The following GLCCI1 variants were observed in gnomAD, a reference collection of about 807,000 sequenced individuals.
GLCCI1 encodes the protein glucocorticoid induced 1.
In GLCCI1, 24 loss-of-function variants were observed where a neutral mutation model predicts 52.2. That is an observed-to-expected ratio of 0.46 (90% CI 0.33 to 0.65). The LOEUF (loss-of-function observed/expected upper bound fraction) is 0.65. GLCCI1 is among the 30% of genes least tolerant of loss of function. The pLI is 0.02. For synonymous variants in GLCCI1, 310 were observed against 276.5 expected (o/e 1.12, Z -1.20); for missense variants, 704 against 701.5 (o/e 1.00, Z -0.04).
intron 6 of GLCCI1, among the ~76,000 whole-genome samples, chr7:8,076,748 C>G (rs1384198112): frequency 2.0e-5 from 3 of 152,120 alleles, no homozygotes; most frequent in African/African-American, 7.2e-5. Context: ...ATGTTAGCTC[C>G]AACAAGAGTA....
At position 7,969,689 on chromosome 7, in the gene GLCCI1, G is replaced by A. The variant is rs1218436029; in HGVS notation, c.339G>A (p.Ala113=). The change falls in exon 1 of 8, where the codon GCG becomes GCA. Residue 113 remains alanine, a synonymous_variant. Transcript: ENST00000223145. This position sits in a 1 kb window ranked among gnomAD's most constrained non-coding sequence, Gnocchi z 4.9. ...GCCCGTCCAGCCCGACGCCGCCGGC[G>A]GCCGCAGCCCCGGCCGAGCAGGCGC... The part of the protein sequence containing the change: ...GPSPSSPTPP[A]AAAPAEQAPR... The A allele has an allele frequency of 4.3e-6, 5 of 1,161,860 alleles. No homozygotes were observed. In the East Asian group the frequency reaches 2.8e-4, roughly 65 times the overall value. The allele number at this position is 1,161,860 out of a possible 1,614,324, so 72.0% of individuals were successfully genotyped here.
Position 8,087,871 on chromosome 7 carries a change from C to G in GLCCI1, c.*1333C>G, listed in dbSNP as rs910127428. On this transcript the variant is annotated 3_prime_UTR_variant, in exon 8 of 8. Transcript: ENST00000223145. ...ACTCAAGAAAATAGCCTTGAACTTG[C>G]AGACTTTTGACACAAGTTCTCCACA... 6.6e-6 allele frequency: 1 copy of G among 152,588 alleles called. No individual in the cohort carries two copies. Among genetic ancestry groups the G allele is most frequent in the Admixed American group, 6.5e-5 (1 of 15,272 alleles). 9.5% of individuals were successfully genotyped at this position (152,588 alleles called of 1,614,324 possible). A position where few individuals can be genotyped will look rare whatever the true frequency, so the allele number is the denominator to read the frequency against.
chr7:8,049,150 A>C (rs1187929932), intron 3 of GLCCI1, among the ~76,000 whole-genome samples: 1 of 152,164 alleles, frequency 6.6e-6, no homozygotes, highest in African/African-American at 2.4e-5. Flanking sequence ...GAACCATCTG[A>C]AGGAGTAAAA....
At chr7:7,974,643 A>G (rs908987746) in intron 1 of GLCCI1, among the ~76,000 whole-genome samples, 2 of 152,250 alleles carry the variant, frequency 1.3e-5, no homozygotes, top group Non-Finnish European at 2.9e-5. Context: ...ACAGTGTTCA[A>G]CAAATGGCTA....
At chr7:8,055,406 C>G (rs759743617) in intron 3 of GLCCI1, 27 bp from the exon 4 acceptor site, 1 of 1,430,128 alleles carries the variant, frequency 7.0e-7, no homozygotes, top group Non-Finnish European at 9.8e-7. Flanking sequence ...TTATTCTCTT[C>G]TTACTTCTCT....
intron 3 of GLCCI1, among the ~76,000 whole-genome samples, chr7:8,023,610 T>TTTTTTTTTTTTTTTG (rs1781546602): frequency 8.0e-6 from 1 of 125,236 alleles, no homozygotes; most frequent in Non-Finnish European, 1.7e-5. Context: ...TTTTTTTTTT[T>TTTTTTTTTTTTTTTG]TTTTTTGAGG....
intron 6 of GLCCI1, among the ~76,000 whole-genome samples, chr7:8,077,732 C>G (rs537290236): frequency 6.6e-6 from 1 of 152,254 alleles, no homozygotes; most frequent in East Asian, 1.9e-4. Flanking sequence ...AATTAAGTAA[C>G]CTAGCTAATT....
At chr7:8,055,676 G>C (rs1782373554) in intron 4 of GLCCI1, 127 bp downstream of exon 4, 1 of 675,450 alleles carries the variant, frequency 1.5e-6, no homozygotes, top group Non-Finnish European at 2.5e-6. Context: ...TTGTTAAATT[G>C]TTATAAAAAG....
rs185976053 is a variant in GLCCI1, at chr7:8,067,263, A to G, written c.967-3658A>G. On this transcript the variant is annotated intron_variant, in intron 5 of 7. Coordinates refer to ENST00000223145, the MANE Select transcript of GLCCI1 (RefSeq NM_138426.4). ...TTCTCCATCCCTTTATTTTGACCGC[A>G]TGGGTGTCTTTGCATGTGAGCCTGG... Among the ~76,000 whole-genome samples the G allele has an allele frequency of 2.6e-5, 4 of 152,172 alleles. No individual in the cohort carries two copies. The East Asian group carries it at 5.8e-4, about 22-fold the overall frequency.
At chr7:8,064,958 T>C (rs1782599503) in intron 5 of GLCCI1, among the ~76,000 whole-genome samples, 1 of 152,178 alleles carries the variant, frequency 6.6e-6, no homozygotes. Context: ...CCGCGTGATC[T>C]GCCCACCTCG....
chr7:8,074,617 G>A (rs1213146941), intron 6 of GLCCI1, among the ~76,000 whole-genome samples: 1 of 152,018 alleles, frequency 6.6e-6, no homozygotes, highest in Non-Finnish European at 1.5e-5. Flanking sequence ...CTTGGGAGGT[G>A]GAGGTTGCAG....
At position 7,983,128 on chromosome 7, in the gene GLCCI1, T is replaced by C. The variant is rs559158075; in HGVS notation, c.457+13321T>C. Among the ~76,000 whole-genome samples, 120 of 152,256 alleles carry C rather than the reference T, an allele frequency of 7.9e-4. 3 individuals carry two copies. In the South Asian group the frequency reaches 0.024, roughly 31 times the overall value. On this transcript the variant is annotated intron_variant, in intron 1 of 7. Coordinates refer to ENST00000223145, the MANE Select transcript of GLCCI1 (RefSeq NM_138426.4). ...GTTAACTTCTTGGTAAAGCAAACAA[T>C]GTTAAATGAATCATATTTTGTGGAT...
chr7:7,982,978 A>T (rs1443912737), intron 1 of GLCCI1, among the ~76,000 whole-genome samples: 1 of 152,168 alleles, frequency 6.6e-6, no homozygotes, highest in East Asian at 1.9e-4. Flanking sequence ...ATAGCCTTTA[A>T]TATTACTATT....
rs78044744 is a variant in GLCCI1, at chr7:8,040,121, T to C, written c.697-15312T>C. ...TAAAAAAGTATTTCATCAAAGAGAA[T>C]GTATGAATGGCAGATGACCACATGA... On this transcript the variant is annotated intron_variant, in intron 3 of 7. Coordinates refer to ENST00000223145, the MANE Select transcript of GLCCI1 (RefSeq NM_138426.4). Among the ~76,000 whole-genome samples the C allele has an allele frequency of 7.1e-3, 1,087 of 152,144 alleles. 14 individuals are homozygous for C. The highest frequency in any genetic ancestry group is 0.025 in the African/African-American group (1,035 of 41,478).
At chr7:8,015,387 A>G (rs1781357463) in intron 2 of GLCCI1, among the ~76,000 whole-genome samples, 1 of 152,234 alleles carries the variant, frequency 6.6e-6, no homozygotes, top group African/African-American at 2.4e-5. Context: ...TTTGAAATAT[A>G]TTTAAGAAAC....
At chr7:8,051,403 A>G (rs1244880182) in intron 3 of GLCCI1, among the ~76,000 whole-genome samples, 3 of 152,232 alleles carry the variant, frequency 2.0e-5, no homozygotes, top group African/African-American at 7.2e-5. Context: ...TAAGAACCTT[A>G]GAACCTAATT....
chr7:8,005,227 T>C (rs187165608), intron 2 of GLCCI1, among the ~76,000 whole-genome samples: 1 of 151,816 alleles, frequency 6.6e-6, no homozygotes, highest in East Asian at 1.9e-4. Flanking sequence ...ACAAATATGA[T>C]AAAATGTAGG....
chr7:7,984,876 C>G (rs1458381276), intron 1 of GLCCI1, among the ~76,000 whole-genome samples: 2 of 152,170 alleles, frequency 1.3e-5, no homozygotes, highest in African/African-American at 4.8e-5. Flanking sequence ...CTCATATATG[C>G]TAATGATTTT....
At chr7:7,997,817 C>T (rs1011307848) in intron 1 of GLCCI1, among the ~76,000 whole-genome samples, 1 of 151,928 alleles carries the variant, frequency 6.6e-6, no homozygotes, top group Admixed American at 6.6e-5. Flanking sequence ...AATCCAGCTA[C>T]TCGGGAGCCT....
Sources: allele counts gnomAD v4.1 joint callset (sites outside exome capture counted in the v4.1 genomes callset), GRCh38; gene constraint gnomAD v4.1.1; non-coding constraint Gnocchi (gnomAD v3.1); transcripts MANE v1.5; gene names NCBI Gene and HGNC (gene_info 2026-07-23, HGNC 2026-07-21).